UBTF: variants seen among roughly 807,000 people sequenced by gnomAD.
UBTF encodes the protein upstream binding transcription factor, also known as nucleolar transcription factor 1.
In UBTF, 8 loss-of-function variants were observed where a neutral mutation model predicts 112.3. The ratio of observed to expected loss-of-function variants is 0.07; its 90% confidence interval spans 0.04 to 0.13. The LOEUF (loss-of-function observed/expected upper bound fraction) is 0.13, where lower values mean the gene tolerates loss of function less well. UBTF is among the 10% of genes least tolerant of loss of function. The probability of loss-of-function intolerance (pLI) is 1.00; values close to 1 mark genes in which losing one functional copy is unlikely to be tolerated. For missense variants in UBTF, 457 were observed against 982.1 expected (o/e 0.47, Z 7.15); for synonymous variants, 417 against 373.1 (o/e 1.12, Z -1.36).
intron 17 of UBTF, 50 bp downstream of exon 17, chr17:44,209,302 G>A (rs754187818): frequency 3.9e-6 from 6 of 1,541,258 alleles, no homozygotes; most frequent in Non-Finnish European, 5.3e-6. Flanking sequence ...GATGGTGCTG[G>A]CTTAGTCTGA....
chr17:44,213,304 G>A (rs1276803500), intron 5 of UBTF, 22 bp from the exon 6 acceptor site: 33 of 1,610,584 alleles, frequency 2.0e-5, no homozygotes, highest in Non-Finnish European at 2.8e-5. Context: ...AGGGGATGGG[G>A]TCACTCAGGA....
intron 5 of UBTF, among the ~76,000 whole-genome samples, chr17:44,215,188 A>C (rs1283754466): frequency 4.6e-5 from 7 of 152,214 alleles, no homozygotes; most frequent in African/African-American, 1.4e-4. Flanking sequence ...CTCTAGCATC[A>C]ATAGTTGTGT....
Position 44,211,595 on chromosome 17 carries a change from C to T in UBTF, c.1047+11G>A. 6.2e-7 allele frequency: 1 copy of T among 1,607,546 alleles called. No individual in the cohort carries two copies. The highest frequency in any genetic ancestry group is 8.5e-7 in the Non-Finnish European group (1 of 1,177,746). The stretch of plus-strand genomic sequence containing the variant: ...AAACCCCAAGGCAGGGTGGCCCCTG[C>T]CACAGCTCACCTGATCACACTTCTT... On this transcript the variant is annotated intron_variant, in intron 10 of 20. Transcript: ENST00000436088. The surrounding 1 kb of genome is among the most constrained non-coding windows in gnomAD (Gnocchi z 4.9).
chr17:44,216,030 G>A (rs1277430031), intron 3 of UBTF, 41 bp from the exon 4 acceptor site: 35 of 1,518,548 alleles, frequency 2.3e-5, no homozygotes, highest in Non-Finnish European at 3.2e-5. Flanking sequence ...GTTGGGAAAA[G>A]GAAAATGCCA....
At chr17:44,210,726 C>T (rs1199949211) in intron 13 of UBTF, 66 bp downstream of exon 13, 26 of 1,539,410 alleles carry the variant, frequency 1.7e-5, no homozygotes, top group African/African-American at 2.8e-5. Flanking sequence ...TGGCACGGCC[C>T]GCCAAGGGGA....
rs752694009 is a variant in UBTF at position 44,210,920 on chromosome 17, C to T, written c.1231G>A (p.Val411Met). 4 of 1,607,772 alleles carry T rather than the reference C, an allele frequency of 2.5e-6. No homozygotes were observed. The highest frequency in any genetic ancestry group is 1.7e-5 in the Admixed American group (1 of 59,618). Residue 411 changes from valine to methionine, a missense_variant, in exon 13 of 21, where the codon GTG becomes ATG. By Grantham distance (21) the Val-to-Met change is conservative. Around this residue, in one of 7 missense-constraint regions of UBTF, gnomAD observed 108 missense variants for 137.4 expected, o/e 0.79. Coordinates refer to ENST00000436088, the MANE Select transcript of UBTF (RefSeq NM_014233.4). The stretch of plus-strand genomic sequence containing the variant: ...TCCGAGAAGATGAACATGGCCGACA[C>T]GGGCCGCTTGGGCTTCTCGGAGCCG... Reference protein sequence around the residue: ...KGGSEKPKRPVSAMFIFSEEK... With the variant: ...KGGSEKPKRPMSAMFIFSEEK...
chr17:44,220,092 G>T (rs2047104717), upstream of UBTF, among the ~76,000 whole-genome samples: 1 of 147,150 alleles, frequency 6.8e-6, no homozygotes, highest in Non-Finnish European at 1.5e-5. Context: ...GGAAGGGGGG[G>T]GGGGCCGGGG....
At chr17:44,216,771 T>C (rs2046863569) in intron 2 of UBTF, 67 bp from the exon 3 acceptor site, 2 of 1,534,422 alleles carry the variant, frequency 1.3e-6, no homozygotes, top group East Asian at 2.3e-5. Context: ...TCCCCAGTTC[T>C]TGAGTGCTCA....
At chr17:44,213,329 A>T in intron 5 of UBTF, 47 bp from the exon 6 acceptor site, 1 of 1,574,058 alleles carries the variant, frequency 6.4e-7, no homozygotes, top group South Asian at 1.1e-5. Context: ...AGGGTATCTC[A>T]CCCTGAGCTA....
intron 17 of UBTF, 102 bp from the exon 18 acceptor site, chr17:44,208,013 C>T: frequency 4.1e-6 from 6 of 1,468,178 alleles, no homozygotes; most frequent in East Asian, 2.3e-5. Context: ...TATATATCAT[C>T]ACCCCATCTT....
chr17:44,219,128 GCGGGAGGA>G (rs2047027264), intron 1 of UBTF: 1 of 150,548 alleles, frequency 6.6e-6, no homozygotes, highest in Admixed American at 6.6e-5. Flanking sequence ...CAAGGAGAGG[GCGGGAGGA>G]CGGCGGCCGG....
At position 44,210,398 on chromosome 17, in the gene UBTF, C is replaced by T. The variant is rs532805762; in HGVS notation, c.1435G>A (p.Gly479Ser). The change falls in exon 14 of 21, where the codon GGC (glycine) becomes AGC (serine). Residue 479 changes from glycine (G) to serine (S), a missense_variant. Transcript: ENST00000436088. ...CTTTTGGGGGACTCGGGCAGCTTGC[C>T]CCGTTCCTCGCGCTCCCCGCCGGGC... Reference protein sequence around the residue: ...RKPGGEREERGKLPESPKRAE... With the variant: ...RKPGGEREERSKLPESPKRAE... The T allele has an allele frequency of 2.1e-5, 34 of 1,614,182 alleles. 1 individual carries two copies. The Admixed American group carries it at 4.2e-4, about 20-fold the overall frequency.
intron 13 of UBTF, 122 bp downstream of exon 13, chr17:44,210,670 A>ACGTCCCAGCCCAGGCACCG: frequency 1.4e-6 from 2 of 1,413,044 alleles, no homozygotes; most frequent in Non-Finnish European, 1.9e-6. Context: ...CGCCGGCCCC[A>ACGTCCCAGCCCAGGCACCG]CGTCCCAGCC....
chr17:44,207,323 ATCGTCATCCTCG>A lies in UBTF; in HGVS notation c.2202_2213del (p.Asp737_Asp740del), dbSNP rs777169277. ...CCTCGGACTCATTATCTTCATCCTCATCGTCATCCTCGTCGTCGTCTTCGTCCTCGTCATCCT... is the reference window on the plus strand; with the variant it reads ...CCTCGGACTCATTATCTTCATCCTCATCGTCGTCTTCGTCCTCGTCATCCT... On this transcript the variant is annotated inframe_deletion, in exon 21 of 21. Transcript: ENST00000436088. 1 of 1,612,512 alleles carries A rather than the reference ATCGTCATCCTCG, an allele frequency of 6.2e-7. No individual in the cohort carries two copies. Among genetic ancestry groups the A allele is most frequent in the Non-Finnish European group, 8.5e-7 (1 of 1,179,418 alleles).
At chr17:44,212,155 C>A in intron 8 of UBTF, 149 bp from the exon 9 acceptor site, 1 of 734,174 alleles carries the variant, frequency 1.4e-6, no homozygotes, top group African/African-American at 2.0e-5. Context: ...GGTGCCCTGC[C>A]CTGCCCTAGC....
chr17:44,209,288 C>A, intron 17 of UBTF, 64 bp downstream of exon 17: 3 of 1,508,820 alleles, frequency 2.0e-6, no homozygotes, highest in East Asian at 2.3e-5. Context: ...ATGGGCCAGG[C>A]TAGGATGGTG....
chr17:44,209,814 T>G, intron 15 of UBTF, 81 bp from the exon 16 acceptor site: 2 of 1,433,194 alleles, frequency 1.4e-6, no homozygotes, highest in Non-Finnish European at 1.9e-6. Context: ...ATCAGCACCT[T>G]AGCTGGCTGT....
intron 17 of UBTF, chr17:44,209,115 G>GCCA: frequency 9.6e-6 from 3 of 311,050 alleles, no homozygotes; most frequent in South Asian, 7.1e-5. Flanking sequence ...GTTGCAGTGA[G>GCCA]CCGAGACTAC....
chr17:44,212,117 T>TGC lies in UBTF; in HGVS notation c.772-113_772-112dup, dbSNP rs535288412. The stretch of plus-strand genomic sequence containing the variant: ...GGCAGGGAGCAAAGCTGGGGGTGGC[T>TGC]GCGCGTCAGTGGTGTCACACGAGAC... On this transcript the variant is annotated intron_variant, in intron 8 of 20. Transcript: ENST00000436088. 28 of 1,138,282 alleles carry TGC rather than the reference T, an allele frequency of 2.5e-5. No homozygotes were observed. In the African/African-American group the frequency reaches 4.4e-4, roughly 18 times the overall value. The allele number at this position is 1,138,282 out of a possible 1,614,324, so 70.5% of individuals were successfully genotyped here. A position where few individuals can be genotyped will look rare whatever the true frequency, so the allele number is the denominator to read the frequency against.
Sources: gnomAD v4.1 joint callset for allele counts (sites outside exome capture counted in the v4.1 genomes callset) on GRCh38, gnomAD v4.1.1 for gene constraint, gnomAD v4.1.1 regional missense constraint, Gnocchi (gnomAD v3.1) non-coding constraint, MANE v1.5 for transcripts, NCBI Gene and HGNC (gene_info 2026-07-23, HGNC 2026-07-21) for gene names.